OTUD4: variants seen among roughly 807,000 people sequenced by gnomAD.
The protein encoded by OTUD4 is OTU deubiquitinase 4.
Under a neutral mutation model 130.4 loss-of-function variants are expected in OTUD4, and 24 were observed. The ratio of observed to expected loss-of-function variants is 0.18; its 90% CI spans 0.13 to 0.26. OTUD4 has a LOEUF of 0.26. OTUD4 is among the 10% of genes least tolerant of loss of function. The pLI, the probability that OTUD4 is intolerant of heterozygous loss-of-function variation, is 1.00. For synonymous variants in OTUD4, 420 were observed against 472.5 expected (o/e 0.89, Z 1.44); for missense variants, 1,031 against 1,329.4 (o/e 0.78, Z 3.49).
chr4:145,143,075 C>T (rs1306545227), intron 17 of OTUD4, among the ~76,000 whole-genome samples: 2 of 152,022 alleles, frequency 1.3e-5, no homozygotes, highest in African/African-American at 4.8e-5. Context: ...CAAAGTAATA[C>T]AAAGTATCAA....
Position 145,164,208 on chromosome 4 carries a change from A to G in OTUD4, c.360T>C (p.Tyr120=). ...SLMYRKDFII[Y]REPNVSPSQV... is the part of the protein sequence containing the mutation. The stretch of plus-strand genomic sequence containing the variant: ...GTGAAGGAGAAACATTTGGTTCCCG[A>G]TAAATTATAAAATCTTTCCTGAAAA... The change falls in exon 5 of 21, where the codon TAT becomes TAC. Residue 120 remains tyrosine (Y), a synonymous_variant. Transcript: ENST00000447906. 1 of 1,369,242 alleles carries G rather than the reference A, an allele frequency of 7.3e-7. No homozygotes were observed. Among genetic ancestry groups the G allele is most frequent in the Non-Finnish European group, 1.0e-6 (1 of 981,624 alleles). 84.8% of individuals were successfully genotyped at this position (1,369,242 alleles called of 1,614,324 possible). A position where few individuals can be genotyped will look rare whatever the true frequency, so the allele number is the denominator to read the frequency against.
At chr4:145,176,132 G>T (rs1196287385) in intron 1 of OTUD4, among the ~76,000 whole-genome samples, 1 of 151,060 alleles carries the variant, frequency 6.6e-6, no homozygotes, top group African/African-American at 2.4e-5. Context: ...CTGACCTCAG[G>T]TGATCTGCCC....
At chr4:145,146,976 G>T (rs970189202) in intron 13 of OTUD4, among the ~76,000 whole-genome samples, 5 of 152,122 alleles carry the variant, frequency 3.3e-5, no homozygotes, top group Non-Finnish European at 7.4e-5. Context: ...TGTCAGGCTG[G>T]ATACCAATTG....
chr4:145,144,372 T>G lies in OTUD4; in HGVS notation c.1485A>C (p.Ser495=). 1 of 1,612,910 alleles carries G rather than the reference T, an allele frequency of 6.2e-7. No homozygotes were observed. Among genetic ancestry groups the G allele is most frequent in the Non-Finnish European group, 8.5e-7 (1 of 1,179,308 alleles). Residue 495 remains serine (S), a synonymous_variant, in exon 15 of 21, where the codon TCA becomes TCC. Coordinates refer to ENST00000447906, the MANE Select transcript of OTUD4 (RefSeq NM_001366057.1). ...TGCTTCCTTTTCTATCACCTACATG[T>G]GATGATTTTCTCTGGACACATGGAT... The part of the protein sequence containing the change: ...SSNPCVQRKS[S]HVGDRKGSRR...
intron 1 of OTUD4, chr4:145,179,486 CA>C: frequency 1.8e-6 from 1 of 555,006 alleles, no homozygotes; most frequent in Non-Finnish European, 2.5e-6. Flanking sequence ...GAATGCGGAA[CA>C]AAAGTAAAAA....
At chr4:145,176,966 C>T in intron 1 of OTUD4, among the ~76,000 whole-genome samples, 1 of 152,168 alleles carries the variant, frequency 6.6e-6, no homozygotes. Context: ...CTGATTCTAC[C>T]TTCACTGCTG....
intron 1 of OTUD4, 26 bp downstream of exon 1, chr4:145,179,767 GGCCGTCCCCGCCTCCCCTCGAA>G (rs1233383250): frequency 1.9e-5 from 27 of 1,432,876 alleles, no homozygotes; most frequent in South Asian, 2.5e-5. Flanking sequence ...AGACCCGCCG[GGCCGTCCCCGCCTCCCCTCGAA>G]GCCCTCCCCG....
At chr4:145,152,461 A>T in intron 11 of OTUD4, 80 bp downstream of exon 11, 1 of 773,796 alleles carries the variant, frequency 1.3e-6, no homozygotes, top group Non-Finnish European at 2.2e-6. Context: ...ATTTGCAAAT[A>T]CTGAAGGCCA....
intron 10 of OTUD4, among the ~76,000 whole-genome samples, chr4:145,153,928 G>C (rs1034031611): frequency 1.3e-5 from 2 of 152,158 alleles, no homozygotes; most frequent in Admixed American, 1.3e-4. Context: ...AGTCATCTCA[G>C]TTTCTTAAAA....
rs752508242 is a variant in OTUD4 at position 145,135,986 on chromosome 4, A to AAGTG, written c.*1443_*1444insCACT. On this transcript the variant is annotated 3_prime_UTR_variant, in exon 21 of 21. Coordinates refer to ENST00000447906, the MANE Select transcript of OTUD4 (RefSeq NM_001366057.1). ...AAGTAATTTGCTTTACAAAAAAAGAAAGTCACCGCATCTGGTTTTGGCTAG... is the reference window on the plus strand; with the variant it reads ...AAGTAATTTGCTTTACAAAAAAAGAAAGTGAGTCACCGCATCTGGTTTTGGCTAG... 7.2e-5 allele frequency: 11 copies of AAGTG among 152,714 alleles called. No individual in the cohort carries two copies. In the East Asian group the frequency reaches 2.1e-3, roughly 29 times the overall value. 9.5% of individuals were successfully genotyped at this position (152,714 alleles called of 1,614,324 possible).
In OTUD4 at chr4:145,146,369, G is replaced by A. The variant is rs768030167; in HGVS notation, c.1320C>T (p.Phe440=). 8.2e-6 allele frequency: 13 copies of A among 1,590,584 alleles called. No individual in the cohort carries two copies. The highest frequency in any genetic ancestry group is 4.6e-5 in the South Asian group (4 of 86,518). The change falls in exon 14 of 21, where the codon TTC becomes TTT. Residue 440 remains phenylalanine (F), a synonymous_variant. Transcript: ENST00000447906. ...FDHTSRESNY[F]GLSPEERREK... ...CTCTGCGCTCTTCTGGGGAAAGGCCGAAATAGTTAGATTCTCGACTTGTGT... is the reference window on the plus strand; with the variant it reads ...CTCTGCGCTCTTCTGGGGAAAGGCCAAAATAGTTAGATTCTCGACTTGTGT...
chr4:145,143,934 TA>T lies in OTUD4; in HGVS notation c.1602+11del, dbSNP rs1473720191. On this transcript the variant is annotated intron_variant, in intron 16 of 20. Transcript: ENST00000447906. ...AAAAAGAAAAGATGCAAGTAGTGTT[TA>T]AAACTTTTACCTCCAATGTGCTTGG... 1 of 1,602,060 alleles carries T rather than the reference TA, an allele frequency of 6.2e-7. No homozygotes were observed. Among genetic ancestry groups the T allele is most frequent in the Non-Finnish European group, 8.6e-7 (1 of 1,169,230 alleles).
chr4:145,143,003 A>G (rs1750639004), intron 17 of OTUD4, among the ~76,000 whole-genome samples: 1 of 152,222 alleles, frequency 6.6e-6, no homozygotes, highest in South Asian at 2.1e-4. Flanking sequence ...AACTCTTTTA[A>G]ATTTTGAAAT....
rs1750135171 is a variant in OTUD4, at chr4:145,134,315, GCTACA to G, written c.*3110_*3114del. On this transcript the variant is annotated 3_prime_UTR_variant, in exon 21 of 21. Transcript: ENST00000447906. ...TGTAGCCAAATATGCATTCTCTTCA[GCTACA>G]CTAGAGTGGACCTTGCTTAGTACCC... is the stretch of plus-strand genomic sequence containing the variant. The G allele has an allele frequency of 5.9e-6, 1 of 170,346 alleles. No individual in the cohort carries two copies. The highest frequency in any genetic ancestry group is 1.2e-5 in the Non-Finnish European group (1 of 80,004). 10.6% of individuals were successfully genotyped at this position (170,346 alleles called of 1,614,324 possible).
At chr4:145,155,292 A>G (rs1317538650) in intron 10 of OTUD4, 119 bp downstream of exon 10, 3 of 770,704 alleles carry the variant, frequency 3.9e-6, no homozygotes, top group Non-Finnish European at 6.6e-6. Flanking sequence ...TATACATGAT[A>G]AATATATTCT....
chr4:145,178,956 G>C (rs746513474), intron 1 of OTUD4, among the ~76,000 whole-genome samples: 2 of 152,126 alleles, frequency 1.3e-5, no homozygotes, highest in Admixed American at 6.6e-5. Flanking sequence ...AGACACACCA[G>C]AGCAGAAACT....
chr4:145,138,195 A>G lies in OTUD4; in HGVS notation c.2580T>C (p.His860=). 1 of 1,613,950 alleles carries G rather than the reference A, an allele frequency of 6.2e-7. No homozygotes were observed. Among genetic ancestry groups the G allele is most frequent in the Non-Finnish European group, 8.5e-7 (1 of 1,179,852 alleles). The change falls in exon 21 of 21, where the codon CAT becomes CAC. Residue 860 remains histidine (H), a synonymous_variant. Coordinates refer to ENST00000447906, the MANE Select transcript of OTUD4 (RefSeq NM_001366057.1). ...PVPIAPPFFP[H]VWYGYPFQGF... is the part of the protein sequence containing the mutation. ...CCTGAAAAGGGTACCCATACCAAAC[A>G]TGAGGAAAGAAAGGAGGTGCAATAG...
chr4:145,174,614 G>A (rs1479775235), intron 2 of OTUD4, 47 bp downstream of exon 2: 1 of 1,104,782 alleles, frequency 9.1e-7, no homozygotes, highest in African/African-American at 1.5e-5. Context: ...AAGCCAAAAT[G>A]TAAAACCAAG....
chr4:145,151,933 G>C (rs532889164), intron 11 of OTUD4, among the ~76,000 whole-genome samples: 1 of 152,258 alleles, frequency 6.6e-6, no homozygotes, highest in South Asian at 2.1e-4. Flanking sequence ...ATGCAGTACT[G>C]AATGAATTTA....
Sources: allele counts gnomAD v4.1 joint callset (sites outside exome capture counted in the v4.1 genomes callset), GRCh38; gene constraint gnomAD v4.1.1; transcripts MANE v1.5; gene names NCBI Gene and HGNC (gene_info 2026-07-23, HGNC 2026-07-21).